The following NR3C2 variants were observed in gnomAD, a reference collection of about 807,000 sequenced individuals.
NR3C2 encodes nuclear receptor subfamily 3 group C member 2.
A neutral mutation model predicts 86.4 loss-of-function variants in NR3C2; 15 were observed. That is an observed-to-expected ratio of 0.17 (90% CI 0.12 to 0.27). The LOEUF (loss-of-function observed/expected upper bound fraction) is 0.27. Among genes scored for constraint, NR3C2 ranks in the 10% least tolerant of loss-of-function variants. NR3C2 has a pLI of 1.00. For synonymous variants in NR3C2, 458 were observed against 450.5 expected, an observed-to-expected ratio of 1.02 and a Z score of -0.21; for missense variants, 960 against 1,195.6, an observed-to-expected ratio of 0.80 and a Z score of 2.91.
At chr4:148,405,209 T>A (rs1195835880) in intron 2 of NR3C2, among the ~76,000 whole-genome samples, 1 of 152,194 alleles carries the variant, frequency 6.6e-6, no homozygotes, top group African/African-American at 2.4e-5. Context: ...AAAGATACAC[T>A]AGTCTCACCA....
At chr4:148,272,091 T>C (rs1011044380) in intron 2 of NR3C2, among the ~76,000 whole-genome samples, 3 of 152,192 alleles carry the variant, frequency 2.0e-5, no homozygotes, top group African/African-American at 7.2e-5. Context: ...TCTAGGTCTC[T>C]TGATATGTAT....
In NR3C2 at chr4:148,136,905, T is replaced by C. The variant is rs559421902; in HGVS notation, c.2510+15564A>G. Among the ~76,000 whole-genome samples the C allele has an allele frequency of 3.9e-5, 6 of 152,330 alleles. No homozygotes were observed. In the East Asian group the frequency reaches 9.6e-4, roughly 24 times the overall value. ...GTCCAGTAACTCACCAGCTACACTATAGAATTCTAGAGGATGGAAGTTATA... is the reference window on the plus strand; with the variant it reads ...GTCCAGTAACTCACCAGCTACACTACAGAATTCTAGAGGATGGAAGTTATA... On this transcript the variant is annotated intron_variant, in intron 6 of 8. Coordinates refer to ENST00000358102, the MANE Select transcript of NR3C2 (RefSeq NM_000901.5).
At chr4:148,427,567 C>T (rs922627617) in intron 2 of NR3C2, among the ~76,000 whole-genome samples, 2 of 151,360 alleles carry the variant, frequency 1.3e-5, no homozygotes, top group Non-Finnish European at 2.9e-5. Flanking sequence ...GGAGGGTGTC[C>T]GAACCCCAGC....
chr4:148,300,861 C>T (rs934358836), intron 2 of NR3C2, among the ~76,000 whole-genome samples: 13 of 152,110 alleles, frequency 8.5e-5, no homozygotes, highest in African/African-American at 2.7e-4. Flanking sequence ...CATGAGCCAC[C>T]GCGCCCGACC....
At chr4:148,132,676 T>C (rs1733091318) in intron 6 of NR3C2, among the ~76,000 whole-genome samples, 2 of 152,216 alleles carry the variant, frequency 1.3e-5, no homozygotes, top group Admixed American at 6.5e-5. Flanking sequence ...GACTAGACTA[T>C]AATGATTTGC....
At chr4:148,237,854 C>T (rs1429799421) in intron 3 of NR3C2, among the ~76,000 whole-genome samples, 1 of 152,062 alleles carries the variant, frequency 6.6e-6, no homozygotes, top group African/African-American at 2.4e-5. Context: ...CTATTAACAT[C>T]ATTCATTTAA....
intron 2 of NR3C2, among the ~76,000 whole-genome samples, chr4:148,292,041 T>C (rs919202593): frequency 6.6e-6 from 1 of 152,142 alleles, no homozygotes; most frequent in African/African-American, 2.4e-5. Flanking sequence ...TTCTACTGAA[T>C]GTATATTACT....
At chr4:148,321,099 A>G (rs1743556517) in intron 2 of NR3C2, among the ~76,000 whole-genome samples, 1 of 150,512 alleles carries the variant, frequency 6.6e-6, no homozygotes, top group African/African-American at 2.4e-5. Flanking sequence ...ATTGGTTTCA[A>G]AGAACATCTT....
chr4:148,145,852 A>G (rs1733843979), intron 6 of NR3C2, among the ~76,000 whole-genome samples: 1 of 152,138 alleles, frequency 6.6e-6, no homozygotes, highest in South Asian at 2.1e-4. Flanking sequence ...AACAATGGAA[A>G]TCTCAGGAGG....
At chr4:148,415,486 A>C (rs564934761) in intron 2 of NR3C2, among the ~76,000 whole-genome samples, 2 of 152,322 alleles carry the variant, frequency 1.3e-5, no homozygotes, top group Non-Finnish European at 2.9e-5. Context: ...TTTGCTCTCA[A>C]GTGGTTTTAA....
At chr4:148,086,930 A>G (rs1043437985) in intron 8 of NR3C2, among the ~76,000 whole-genome samples, 3 of 152,210 alleles carry the variant, frequency 2.0e-5, no homozygotes, top group African/African-American at 4.8e-5. Context: ...GGCCAGGGCA[A>G]TCAGGCAAGA....
At chr4:148,372,885 T>G (rs1046803903) in intron 2 of NR3C2, among the ~76,000 whole-genome samples, 41 of 152,254 alleles carry the variant, frequency 2.7e-4, no homozygotes, top group Admixed American at 2.4e-3. Context: ...AAGCCAGGAG[T>G]GCAACCCTCT....
chr4:148,246,074 G>A (rs1266984954), intron 3 of NR3C2, among the ~76,000 whole-genome samples: 1 of 146,486 alleles, frequency 6.8e-6, no homozygotes, highest in Non-Finnish European at 1.5e-5. Flanking sequence ...AACGAATGGT[G>A]TTCCCTGGTC....
chr4:148,271,827 G>T (rs1231517804), intron 2 of NR3C2, among the ~76,000 whole-genome samples: 3 of 152,106 alleles, frequency 2.0e-5, no homozygotes, highest in Non-Finnish European at 4.4e-5. Flanking sequence ...GCCAGTGGTT[G>T]GAGTGGAAGA....
chr4:148,254,676 TAGAA>T (rs1473135600), intron 3 of NR3C2, among the ~76,000 whole-genome samples: 4 of 152,302 alleles, frequency 2.6e-5, no homozygotes, highest in African/African-American at 9.6e-5. Context: ...AGTAAATAAT[TAGAA>T]AGAGTCAGGT....
At chr4:148,381,496 TTTCA>T (rs1383266119) in intron 2 of NR3C2, among the ~76,000 whole-genome samples, 2 of 152,166 alleles carry the variant, frequency 1.3e-5, no homozygotes, top group Non-Finnish European at 2.9e-5. Context: ...TTCAGAAACA[TTTCA>T]TTATTAATTT....
intron 2 of NR3C2, among the ~76,000 whole-genome samples, chr4:148,400,926 C>T (rs1227487328): frequency 6.6e-6 from 1 of 152,104 alleles, no homozygotes; most frequent in Non-Finnish European, 1.5e-5. Flanking sequence ...GTTGCATACC[C>T]TAAATACATA....
intron 8 of NR3C2, among the ~76,000 whole-genome samples, chr4:148,089,657 T>G (rs79748273): frequency 0.031 from 4,707 of 152,298 alleles, 239 homozygotes; most frequent in African/African-American, 0.1. Flanking sequence ...GGAGAACCTT[T>G]TTTTTTGCCT....
intron 6 of NR3C2, chr4:148,146,575 G>A (rs936050098): frequency 2.6e-5 from 4 of 152,426 alleles, no homozygotes; most frequent in Admixed American, 2.6e-4. Context: ...AACATGATAA[G>A]AAGTAGCCGA....
Sources: allele counts gnomAD v4.1 joint callset (sites outside exome capture counted in the v4.1 genomes callset), GRCh38; gene constraint gnomAD v4.1.1; transcripts MANE v1.5; gene names NCBI Gene and HGNC (gene_info 2026-07-23, HGNC 2026-07-21).